The following CBLB variants were observed in gnomAD, a reference collection of about 807,000 sequenced individuals.
CBLB encodes the protein Cbl proto-oncogene B.
In CBLB, 31 loss-of-function variants were observed where a neutral mutation model predicts 104.9. The observed-to-expected ratio is 0.30, with a 90% confidence interval of 0.22 to 0.40. CBLB has a LOEUF of 0.40. Ranked by LOEUF, CBLB falls within the 10% of genes least tolerant of loss-of-function variation. The pLI is 1.00. For missense variants in CBLB, 1,062 were observed against 1,214.6 expected, an observed-to-expected ratio of 0.87 and a Z score of 1.87; for synonymous variants, 440 against 422.6, an observed-to-expected ratio of 1.04 and a Z score of -0.51.
chr3:105,821,613 G>A (rs938647551), intron 3 of CBLB, among the ~76,000 whole-genome samples: 2 of 152,156 alleles, frequency 1.3e-5, no homozygotes, highest in South Asian at 2.1e-4. Flanking sequence ...TGCCAAATGC[G>A]CATTTGGACT....
intron 12 of CBLB, among the ~76,000 whole-genome samples, chr3:105,697,350 C>T (rs1238313840): frequency 1.3e-5 from 2 of 151,898 alleles, no homozygotes; most frequent in Admixed American, 1.3e-4. Context: ...TCTTGTGATT[C>T]AGATATTGTT....
chr3:105,852,195 T>C (rs1428271822), intron 3 of CBLB, among the ~76,000 whole-genome samples: 1 of 152,120 alleles, frequency 6.6e-6, no homozygotes. Flanking sequence ...TTATCACAGA[T>C]GATAGCTCCA....
intron 3 of CBLB, among the ~76,000 whole-genome samples, chr3:105,788,748 C>CT (rs1172351631): frequency 1.3e-5 from 2 of 152,184 alleles, no homozygotes; most frequent in Non-Finnish European, 2.9e-5. Flanking sequence ...ACAGGGGAGT[C>CT]TATTTCCCTC....
chr3:105,778,105 G>C lies in CBLB; in HGVS notation c.420-1563C>G, dbSNP rs557808715. Among the ~76,000 whole-genome samples the C allele has an allele frequency of 3.4e-4, 52 of 152,050 alleles. 1 individual carries two copies. In the South Asian group the frequency reaches 6.9e-3, roughly 20 times the overall value. On this transcript the variant is annotated intron_variant, in intron 3 of 18. Coordinates refer to ENST00000394030, the MANE Select transcript of CBLB (RefSeq NM_170662.5). Reference sequence around the variant, plus strand: ...TGTATGTGCACCTGTATATATGAGAGAGAGAGAGAGTGTGTGTGTGTGCAT... The same window carrying C: ...TGTATGTGCACCTGTATATATGAGACAGAGAGAGAGTGTGTGTGTGTGCAT...
chr3:105,782,578 CTT>C lies in CBLB; in HGVS notation c.420-6038_420-6037del, dbSNP rs11333516. Among the ~76,000 whole-genome samples, 40 of 137,462 alleles carry C rather than the reference CTT, an allele frequency of 2.9e-4. 1 individual carries two copies. Among genetic ancestry groups the C allele is most frequent in the African/African-American group, 3.6e-4 (13 of 36,428 alleles). The allele number at this position is 137,462 out of a possible 152,430, so 90.2% of individuals were successfully genotyped here. On this transcript the variant is annotated intron_variant, in intron 3 of 18. Coordinates refer to ENST00000394030, the MANE Select transcript of CBLB (RefSeq NM_170662.5). ...TCTCTCTGTAGTATTCTTTTCTTTT[CTT>C]TTTTTTTTTTTTTTTTTTTTTTTGA...
Position 105,734,116 on chromosome 3 carries a change from TTTCAC to T in CBLB, c.1091_1095del (p.Cys364TyrfsTer9). 6.2e-7 allele frequency: 1 copy of T among 1,613,830 alleles called. No individual in the cohort carries two copies. The highest frequency in any genetic ancestry group is 8.5e-7 in the Non-Finnish European group (1 of 1,179,748). On this transcript the variant is annotated frameshift_variant, in exon 9 of 19. Transcript: ENST00000394030. LOFTEE classifies it high-confidence loss of function. ...TTACAGAGCTGAAAAGTGGAGCCCA[TTTCAC>T]AATATAATTCATATTGTTCCTGGAA... is the stretch of plus-strand genomic sequence containing the variant.
At chr3:105,791,527 C>A (rs2081640558) in intron 3 of CBLB, among the ~76,000 whole-genome samples, 1 of 152,150 alleles carries the variant, frequency 6.6e-6, no homozygotes, top group African/African-American at 2.4e-5. Context: ...CCATGCCACC[C>A]ACTGACGTTG....
At chr3:105,762,562 C>T (rs1466158285) in intron 4 of CBLB, among the ~76,000 whole-genome samples, 1 of 152,274 alleles carries the variant, frequency 6.6e-6, no homozygotes, top group Non-Finnish European at 1.5e-5. Context: ...GCAGCTTCCA[C>T]ATGGTGTTTG....
At position 105,720,055 on chromosome 3, in the gene CBLB, C is replaced by T. The variant is rs371993076; in HGVS notation, c.1399G>A (p.Val467Ile). 8.8e-5 allele frequency: 142 copies of T among 1,612,718 alleles called. 1 individual carries two copies. The Middle Eastern group carries it at 9.9e-4, about 11-fold the overall frequency. The part of the protein sequence containing the change: ...ESLMMNRLAN[V>I]RKCTDRQNSP... ...CATGTTTCTAGTTTTACCTTTCGGACGTTTGCCAACCGATTCATCATCAAG... is the reference window on the plus strand; with the variant it reads ...CATGTTTCTAGTTTTACCTTTCGGATGTTTGCCAACCGATTCATCATCAAG... The change falls in exon 10 of 19, where the codon GTC becomes ATC. Residue 467 changes from valine (V) to isoleucine (I), a missense_variant. Val to Ile is a conservative substitution (Grantham distance 29, BLOSUM62 3). Coordinates refer to ENST00000394030, the MANE Select transcript of CBLB (RefSeq NM_170662.5).
At chr3:105,698,104 C>T (rs1200249726) in intron 12 of CBLB, among the ~76,000 whole-genome samples, 1 of 151,974 alleles carries the variant, frequency 6.6e-6, no homozygotes, top group African/African-American at 2.4e-5. Context: ...AACAATAACT[C>T]TTAGCTTGTA....
intron 3 of CBLB, among the ~76,000 whole-genome samples, chr3:105,817,341 G>T (rs1346590185): frequency 1.3e-5 from 2 of 152,098 alleles, no homozygotes; most frequent in African/African-American, 4.8e-5. Flanking sequence ...GAGCAGCAAA[G>T]ATTATTTTTA....
At chr3:105,765,690 T>A (rs2078142530) in intron 4 of CBLB, among the ~76,000 whole-genome samples, 1 of 152,148 alleles carries the variant, frequency 6.6e-6, no homozygotes, top group Non-Finnish European at 1.5e-5. Context: ...AAAACCTGGA[T>A]TACTGAATAT....
Position 105,657,587 on chromosome 3 carries a change from T to A in CBLB, c.*1383A>T, listed in dbSNP as rs937614670. On this transcript the variant is annotated 3_prime_UTR_variant, in exon 19 of 19. Transcript: ENST00000394030. ...TTACGCTGGAATCAGCTTTTGAGAG[T>A]TTGTGCTTTAAAAACACAGTGCCTA... The A allele has an allele frequency of 4.9e-6, 1 of 204,770 alleles. No homozygotes were observed. The highest frequency in any genetic ancestry group is 1.9e-4 in the South Asian group (1 of 5,256). 12.7% of individuals were successfully genotyped at this position (204,770 alleles called of 1,614,324 possible).
chr3:105,815,881 T>A (rs950362833), intron 3 of CBLB, among the ~76,000 whole-genome samples: 16 of 152,330 alleles, frequency 1.1e-4, no homozygotes, highest in African/African-American at 3.4e-4. Flanking sequence ...AAGAATGAGT[T>A]CATGTCCTTT....
intron 4 of CBLB, among the ~76,000 whole-genome samples, chr3:105,759,150 T>C (rs1310651466): frequency 6.6e-6 from 1 of 152,226 alleles, no homozygotes; most frequent in Non-Finnish European, 1.5e-5. Context: ...AGCTCCTTTC[T>C]GCAGGCAGAT....
chr3:105,747,263 G>GA (rs199887225), intron 5 of CBLB, among the ~76,000 whole-genome samples: 2,722 of 150,714 alleles, frequency 0.018, 75 homozygotes, highest in African/African-American at 0.062. Flanking sequence ...CTACATAAAA[G>GA]AAAAAAAAAG....
Position 105,659,102 on chromosome 3 carries a change from G to A in CBLB, c.2817C>T (p.Leu939=), listed in dbSNP as rs1384741368. ...CTTCAAAGGCATAACCCTCTCCCATGAGTTTTGCAATTTTTGCATCGACAT... is the reference window on the plus strand; with the variant it reads ...CTTCAAAGGCATAACCCTCTCCCATAAGTTTTGCAATTTTTGCATCGACAT... ...LENVDAKIAK[L]MGEGYAFEEV... Residue 939 remains leucine (L), a synonymous_variant, in exon 19 of 19, where the codon CTC becomes CTT. Transcript: ENST00000394030. 1 of 1,613,844 alleles carries A rather than the reference G, an allele frequency of 6.2e-7. No homozygotes were observed. Among genetic ancestry groups the A allele is most frequent in the Admixed American group, 1.7e-5 (1 of 59,968 alleles).
chr3:105,861,923 C>A (rs2092127709), intron 2 of CBLB, among the ~76,000 whole-genome samples: 1 of 152,084 alleles, frequency 6.6e-6, no homozygotes, highest in Admixed American at 6.5e-5. Flanking sequence ...TAATTTTTCA[C>A]CCTGTTTGGT....
chr3:105,786,570 C>G (rs183246958), intron 3 of CBLB, among the ~76,000 whole-genome samples: 22 of 152,240 alleles, frequency 1.4e-4, no homozygotes, highest in Admixed American at 1.4e-3. Flanking sequence ...ACAAATGGCA[C>G]ACCAGTATTT....
Sources: allele counts gnomAD v4.1 joint callset (sites outside exome capture counted in the v4.1 genomes callset), GRCh38; gene constraint gnomAD v4.1.1; transcripts MANE v1.5; gene names NCBI Gene and HGNC (gene_info 2026-07-23, HGNC 2026-07-21).